The following CCDC15 variants were observed in gnomAD, a reference collection of about 807,000 sequenced individuals.
CCDC15 encodes coiled-coil domain-containing protein 15.
CCDC15 carries 105 observed loss-of-function variants against 114.5 expected under a neutral mutation model. The ratio of observed to expected loss-of-function variants is 0.92; its 90% CI spans 0.78 to 1.08. CCDC15 has a LOEUF of 1.08. CCDC15 is among the 50% of genes least tolerant of loss of function. The pLI, the probability that CCDC15 is intolerant of heterozygous loss-of-function variation, is 0.00. For synonymous variants in CCDC15, 334 were observed against 377.8 expected (o/e 0.88, Z 1.34); for missense variants, 1,105 against 1,093.6 (o/e 1.01, Z -0.15).
chr11:124,970,481 G>A (rs962760308), intron 4 of CCDC15, among the ~76,000 whole-genome samples: 5 of 152,122 alleles, frequency 3.3e-5, no homozygotes, highest in Non-Finnish European at 5.9e-5. Flanking sequence ...TTAAAAATCA[G>A]TATGATATCA....
At chr11:125,011,540 T>C (rs934720774) in intron 13 of CCDC15, among the ~76,000 whole-genome samples, 26 of 152,180 alleles carry the variant, frequency 1.7e-4, no homozygotes, top group Non-Finnish European at 5.9e-5. Context: ...CCGGCCGAAG[T>C]ATTCTTTATT....
chr11:124,982,629 G>C (rs1019756528), intron 6 of CCDC15, among the ~76,000 whole-genome samples: 2 of 152,166 alleles, frequency 1.3e-5, no homozygotes, highest in African/African-American at 4.8e-5. Flanking sequence ...ATCTCTTCCA[G>C]CTTTTAGGGT....
intron 15 of CCDC15, 56 bp from the exon 16 acceptor site, chr11:125,040,534 G>T: frequency 6.5e-7 from 1 of 1,529,738 alleles, no homozygotes; most frequent in East Asian, 2.4e-5. Flanking sequence ...GATAGAGGCT[G>T]GTAGAGTTGT....
chr11:124,996,957 T>A (rs1157557198), intron 11 of CCDC15, among the ~76,000 whole-genome samples: 1 of 152,272 alleles, frequency 6.6e-6, no homozygotes, highest in Admixed American at 6.5e-5. Context: ...ATCAGTTTTC[T>A]CTGTTGTAGA....
rs1243040683 is a variant in CCDC15, at chr11:124,987,272, A to T, written c.1046A>T (p.Asp349Val). The T allele has an allele frequency of 6.3e-7, 1 of 1,590,332 alleles. No homozygotes were observed. Among genetic ancestry groups the T allele is most frequent in the Non-Finnish European group, 8.5e-7 (1 of 1,171,110 alleles). Reference protein sequence around the residue: ...AQGDLLETQGDLTGIQSVKPD... With the variant: ...AQGDLLETQGVLTGIQSVKPD... Reference sequence around the variant, plus strand: ...GGTGATTTGCTGGAAACCCAGGGTGATTTGACAGGAATCCAGAGTGTTAAG... The same window carrying T: ...GGTGATTTGCTGGAAACCCAGGGTGTTTTGACAGGAATCCAGAGTGTTAAG... The change falls in exon 8 of 16, where the codon GAT (aspartate) becomes GTT (valine). Residue 349 changes from aspartate (D) to valine (V), a missense_variant. Coordinates refer to ENST00000344762, the MANE Select transcript of CCDC15 (RefSeq NM_025004.3).
In CCDC15 at chr11:124,977,367, C is replaced by G. The variant is rs568459575; in HGVS notation, c.631-111C>G. On this transcript the variant is annotated intron_variant, in intron 5 of 15. Transcript: ENST00000344762. Reference sequence around the variant, plus strand: ...TTTTTTCCCTTTACTGTGTATTAGACTACCAAAACCTACTAAGATAATTTT... The same window carrying G: ...TTTTTTCCCTTTACTGTGTATTAGAGTACCAAAACCTACTAAGATAATTTT... The G allele has an allele frequency of 3.4e-4, 350 of 1,022,512 alleles. 2 individuals carry two copies. The highest frequency in any genetic ancestry group is 2.9e-3 in the Middle Eastern group (10 of 3,462). The allele number at this position is 1,022,512 out of a possible 1,614,324, so 63.3% of individuals were successfully genotyped here. A position where few individuals can be genotyped will look rare whatever the true frequency, so the allele number is the denominator to read the frequency against.
Position 124,975,091 on chromosome 11 carries a change from G to T in CCDC15, c.517-5G>T. The T allele has an allele frequency of 6.4e-7, 1 of 1,551,596 alleles. No homozygotes were observed. Among genetic ancestry groups the T allele is most frequent in the Non-Finnish European group, 8.7e-7 (1 of 1,148,824 alleles). On this transcript the variant is annotated splice_region_variant and splice_polypyrimidine_tract_variant and intron_variant, in intron 4 of 15. Transcript: ENST00000344762. ...TGTTTGCTTTCTTCCCCCTTTCCCT[G>T]GCAGCTTAGTGAAACTATGAAACAG...
At chr11:125,005,811 A>G (rs908848995) in intron 13 of CCDC15, among the ~76,000 whole-genome samples, 6 of 152,162 alleles carry the variant, frequency 3.9e-5, no homozygotes, top group Admixed American at 3.3e-4. Context: ...ATCATACAGT[A>G]TGTATGCAAC....
chr11:124,978,594 G>A (rs1948015391), intron 6 of CCDC15, among the ~76,000 whole-genome samples: 1 of 151,912 alleles, frequency 6.6e-6, no homozygotes, highest in Non-Finnish European at 1.5e-5. Flanking sequence ...TCTCTAATGA[G>A]TGGTCCTTGG....
At chr11:124,968,639 C>T (rs1243237206) in intron 4 of CCDC15, among the ~76,000 whole-genome samples, 2 of 152,120 alleles carry the variant, frequency 1.3e-5, no homozygotes, top group African/African-American at 2.4e-5. Context: ...CACCCTGCTT[C>T]GGTTCACCCT....
At chr11:124,967,891 C>T (rs913543208) in intron 4 of CCDC15, among the ~76,000 whole-genome samples, 2 of 152,174 alleles carry the variant, frequency 1.3e-5, no homozygotes, top group Non-Finnish European at 2.9e-5. Context: ...CAGTCAGGTC[C>T]CTCAGCTGCA....
chr11:124,982,731 A>AT lies in CCDC15; in HGVS notation c.754-4007dup, dbSNP rs1320724378. ...GGCTGCCTTTAACATTTTTTCTTTT[A>AT]TTTTGACCTTGGAGAATCTAAGAAC... On this transcript the variant is annotated intron_variant, in intron 6 of 15. Coordinates refer to ENST00000344762, the MANE Select transcript of CCDC15 (RefSeq NM_025004.3). Among the ~76,000 whole-genome samples, 3 of 151,730 alleles carry AT rather than the reference A, an allele frequency of 2.0e-5. No individual in the cohort carries two copies. In the East Asian group the frequency reaches 5.8e-4, roughly 29 times the overall value.
intron 6 of CCDC15, among the ~76,000 whole-genome samples, chr11:124,985,542 A>G (rs1948144025): frequency 6.6e-6 from 1 of 152,034 alleles, no homozygotes; most frequent in African/African-American, 2.4e-5. Context: ...TTGGTATCTC[A>G]CTGTCCTTTT....
At position 124,992,653 on chromosome 11, in the gene CCDC15, C is replaced by G. The variant is rs1245621565; in HGVS notation, c.2105C>G (p.Pro702Arg). ...CTGGACTATCATCAATATGTTGTAC[C>G]TAAAATCCAGGACCAAGACTCCCCT... ...LPLDYHQYVVPKIQDQDSPRE... is the reference protein window; with the variant it reads ...LPLDYHQYVVRKIQDQDSPRE... The change falls in exon 10 of 16, where the codon CCT becomes CGT. Residue 702 changes from proline to arginine, a missense_variant. Coordinates refer to ENST00000344762, the MANE Select transcript of CCDC15 (RefSeq NM_025004.3). The G allele has an allele frequency of 6.3e-7, 1 of 1,595,558 alleles. No homozygotes were observed. Among genetic ancestry groups the G allele is most frequent in the Non-Finnish European group, 8.5e-7 (1 of 1,169,894 alleles).
intron 4 of CCDC15, among the ~76,000 whole-genome samples, chr11:124,967,858 CTGTT>C (rs1947810735): frequency 6.6e-6 from 1 of 152,170 alleles, no homozygotes; most frequent in Non-Finnish European, 1.5e-5. Context: ...CTATTCCTTT[CTGTT>C]TGTTAGTTTT....
At chr11:124,991,399 AT>A in intron 8 of CCDC15, 61 bp from the exon 9 acceptor site, 1 of 1,183,820 alleles carries the variant, frequency 8.4e-7, no homozygotes, top group South Asian at 2.0e-5. Flanking sequence ...AGCCTAGAAT[AT>A]TATTGCCATC....
chr11:124,982,992 C>T (rs970694594), intron 6 of CCDC15, among the ~76,000 whole-genome samples: 5 of 152,042 alleles, frequency 3.3e-5, no homozygotes, highest in African/African-American at 4.8e-5. Context: ...GTTTATTCTT[C>T]TTTATTCTTT....
At chr11:124,972,033 C>T (rs1404538515) in intron 4 of CCDC15, among the ~76,000 whole-genome samples, 1 of 152,156 alleles carries the variant, frequency 6.6e-6, no homozygotes, top group Non-Finnish European at 1.5e-5. Context: ...ACTATATAAA[C>T]ATTAGTCACA....
chr11:125,038,929 A>G lies in CCDC15; in HGVS notation c.2594A>G (p.Glu865Gly). The change falls in exon 15 of 16, where the codon GAA becomes GGA. Residue 865 changes from glutamate to glycine, a missense_variant. Coordinates refer to ENST00000344762, the MANE Select transcript of CCDC15 (RefSeq NM_025004.3). ...QREKEYLRYVEALRAQIQEKM... is the reference protein window; with the variant it reads ...QREKEYLRYVGALRAQIQEKM... ...ATACTTTATTTGTACAGATATGTAGAAGCTTTACGAGCCCAAATCCAGGAG... is the reference window on the plus strand; with the variant it reads ...ATACTTTATTTGTACAGATATGTAGGAGCTTTACGAGCCCAAATCCAGGAG... The G allele has an allele frequency of 6.2e-7, 1 of 1,613,192 alleles. No homozygotes were observed.
Sources: gnomAD v4.1 joint callset for allele counts (sites outside exome capture counted in the v4.1 genomes callset) on GRCh38, gnomAD v4.1.1 for gene constraint, MANE v1.5 for transcripts, NCBI Gene and HGNC (gene_info 2026-07-23, HGNC 2026-07-21) for gene names.